KCNH5: variants seen among roughly 807,000 people sequenced by gnomAD.
KCNH5 encodes the protein potassium voltage-gated channel subfamily H member 5.
A neutral mutation model predicts 96.1 loss-of-function variants in KCNH5; 46 were observed. The observed-to-expected ratio is 0.48, with a 90% CI of 0.38 to 0.61. The LOEUF (loss-of-function observed/expected upper bound fraction) is 0.61, where lower values mean the gene tolerates loss of function less well. KCNH5 is among the 20% of genes least tolerant of loss of function. The probability of loss-of-function intolerance (pLI) is 0.00; values close to 1 mark genes in which losing one functional copy is unlikely to be tolerated. For synonymous variants in KCNH5, 439 were observed against 449.8 expected, an observed-to-expected ratio of 0.98 and a Z score of 0.30; for missense variants, 907 against 1,225.8, an observed-to-expected ratio of 0.74 and a Z score of 3.88.
At chr14:62,750,907 A>G (rs941814387) in intron 10 of KCNH5, among the ~76,000 whole-genome samples, 1 of 152,124 alleles carries the variant, frequency 6.6e-6, no homozygotes, top group Non-Finnish European at 1.5e-5. Context: ...CTGGTGCACA[A>G]AGCTACTTCT....
chr14:62,975,541 T>A (rs1329689670), intron 6 of KCNH5, among the ~76,000 whole-genome samples: 2 of 151,714 alleles, frequency 1.3e-5, no homozygotes. Context: ...TAAAAGACAA[T>A]AATAATTTGA....
chr14:63,011,608 A>G (rs1425169380), intron 2 of KCNH5, among the ~76,000 whole-genome samples: 1 of 152,230 alleles, frequency 6.6e-6, no homozygotes, highest in Non-Finnish European at 1.5e-5. Flanking sequence ...ATGGTCTTCA[A>G]AGGATTTCAC....
chr14:62,784,259 A>G (rs1886276993), intron 9 of KCNH5, among the ~76,000 whole-genome samples: 1 of 152,190 alleles, frequency 6.6e-6, no homozygotes, highest in Non-Finnish European at 1.5e-5. Flanking sequence ...TGAGAACAGT[A>G]TGGGGGAAAC....
intron 7 of KCNH5, among the ~76,000 whole-genome samples, chr14:62,901,911 T>G (rs1888933606): frequency 1.3e-5 from 2 of 152,198 alleles, no homozygotes; most frequent in Non-Finnish European, 2.9e-5. Flanking sequence ...TTAGTAACAG[T>G]AATTCTGACT....
At position 62,708,037 on chromosome 14, in the gene KCNH5, C is replaced by A. The variant is rs534607642; in HGVS notation, c.2438G>T (p.Arg813Leu). The change falls in exon 11 of 11, where the codon CGA becomes CTA. Residue 813 changes from arginine (R) to leucine (L), a missense_variant. This residue lies in a region of KCNH5 where 362 missense variants were observed against 394.4 expected (regional missense o/e 0.92). Coordinates refer to ENST00000322893, the MANE Select transcript of KCNH5 (RefSeq NM_139318.5). ...ATGGGCTCCCATATTATTCTTGAGT[C>A]GCAGCCACCCTTTTCCATTTCCATT... ...MKNGNGKGWL[R>L]LKNNMGAHEE... The A allele has an allele frequency of 1.2e-6, 2 of 1,614,042 alleles. No homozygotes were observed. The highest frequency in any genetic ancestry group is 2.7e-5 in the African/African-American group (2 of 74,924).
intron 7 of KCNH5, among the ~76,000 whole-genome samples, chr14:62,853,689 C>T (rs1418114125): frequency 1.3e-5 from 2 of 151,308 alleles, no homozygotes; most frequent in African/African-American, 2.4e-5. Flanking sequence ...GGTCTGTTTC[C>T]GCTCCTCATT....
intron 10 of KCNH5, among the ~76,000 whole-genome samples, chr14:62,746,071 A>G (rs1249964762): frequency 6.6e-6 from 1 of 152,208 alleles, no homozygotes; most frequent in East Asian, 1.9e-4. Flanking sequence ...AGGAAGTGGG[A>G]GAAAAGAAGT....
At chr14:62,734,693 T>C (rs771094357) in intron 10 of KCNH5, among the ~76,000 whole-genome samples, 9 of 152,110 alleles carry the variant, frequency 5.9e-5, no homozygotes, top group Non-Finnish European at 1.2e-4. Flanking sequence ...TAAAATTTTA[T>C]ATTGAAATTA....
At chr14:62,746,428 A>C (rs1885376739) in intron 10 of KCNH5, among the ~76,000 whole-genome samples, 1 of 152,244 alleles carries the variant, frequency 6.6e-6, no homozygotes, top group Admixed American at 6.5e-5. Flanking sequence ...TTATAATAAA[A>C]CATTTAATTA....
Position 62,849,796 on chromosome 14 carries a change from C to T in KCNH5, c.1426G>A (p.Ala476Thr), listed in dbSNP as rs536465196. 1 of 1,613,704 alleles carries T rather than the reference C, an allele frequency of 6.2e-7. No homozygotes were observed. Among genetic ancestry groups the T allele is most frequent in the African/African-American group, 1.3e-5 (1 of 74,992 alleles). Residue 476 changes from alanine to threonine, a missense_variant, in exon 8 of 11, where the codon GCC becomes ACC. Around this residue, in one of 6 missense-constraint regions of KCNH5, gnomAD observed 3 missense variants for 24.4 expected, o/e 0.12. Coordinates refer to ENST00000322893, the MANE Select transcript of KCNH5 (RefSeq NM_139318.5). ...NVTTIFQQMYANTNRYHEMLN... is the reference protein window; with the variant it reads ...NVTTIFQQMYTNTNRYHEMLN... Reference sequence around the variant, plus strand: ...ATCTCATGGTATCGGTTGGTGTTGGCATACATTTGCTGGAAAATTGTTGTA... The same window carrying T: ...ATCTCATGGTATCGGTTGGTGTTGGTATACATTTGCTGGAAAATTGTTGTA...
chr14:62,945,668 T>A (rs574067402), intron 7 of KCNH5, among the ~76,000 whole-genome samples: 1 of 151,902 alleles, frequency 6.6e-6, no homozygotes, highest in East Asian at 1.9e-4. Flanking sequence ...CAGGTTGGCA[T>A]TGAGGTGTTT....
At chr14:62,890,748 T>C (rs1007705886) in intron 7 of KCNH5, among the ~76,000 whole-genome samples, 1 of 151,262 alleles carries the variant, frequency 6.6e-6, no homozygotes, top group African/African-American at 2.4e-5. Context: ...ACAGACACTT[T>C]TCAAAAGAAG....
chr14:62,938,719 GT>G (rs888900629), intron 7 of KCNH5, among the ~76,000 whole-genome samples: 21 of 152,174 alleles, frequency 1.4e-4, no homozygotes, highest in African/African-American at 4.8e-4. Context: ...GTGACAGTGT[GT>G]CCTGAAAAAT....
intron 8 of KCNH5, among the ~76,000 whole-genome samples, chr14:62,840,724 C>T (rs1278388404): frequency 6.6e-6 from 1 of 151,666 alleles, no homozygotes; most frequent in African/African-American, 2.4e-5. Context: ...TACGCGCCAC[C>T]ACATCCAGCT....
intron 3 of KCNH5, among the ~76,000 whole-genome samples, chr14:63,004,444 G>A (rs1222702883): frequency 6.6e-6 from 1 of 152,112 alleles, no homozygotes; most frequent in Non-Finnish European, 1.5e-5. Flanking sequence ...AGAGTTATCT[G>A]GAAAGAACCA....
intron 6 of KCNH5, among the ~76,000 whole-genome samples, chr14:62,979,030 T>G (rs186907994): frequency 1.3e-5 from 2 of 152,344 alleles, no homozygotes; most frequent in African/African-American, 2.4e-5. Context: ...ACTGAAGTTT[T>G]GTATTCTTCC....
intron 9 of KCNH5, among the ~76,000 whole-genome samples, chr14:62,796,365 G>T (rs1427735523): frequency 6.6e-6 from 1 of 152,112 alleles, no homozygotes; most frequent in Non-Finnish European, 1.5e-5. Context: ...TAATTCAAGT[G>T]CTAAAGACTC....
rs1885373530 is a variant in KCNH5 at position 62,746,259 on chromosome 14, T to G, written c.2019+33469A>C. On this transcript the variant is annotated intron_variant, in intron 10 of 10. Transcript: ENST00000322893. ...ATGTAATATCTGTATTTGGTCCTCT[T>G]GCAAATACAAGGCATGCAAATGTTG... is the stretch of plus-strand genomic sequence containing the variant. Among the ~76,000 whole-genome samples the G allele has an allele frequency of 2.6e-5, 4 of 152,236 alleles. No homozygotes were observed. In the South Asian group the frequency reaches 8.3e-4, roughly 31 times the overall value.
At chr14:62,741,135 T>A (rs943579933) in intron 10 of KCNH5, among the ~76,000 whole-genome samples, 11 of 152,140 alleles carry the variant, frequency 7.2e-5, no homozygotes, top group Non-Finnish European at 1.3e-4. Context: ...ATAATGGAGT[T>A]TTCCCAGAAA....
Sources: gnomAD v4.1 joint callset for allele counts (sites outside exome capture counted in the v4.1 genomes callset) on GRCh38, gnomAD v4.1.1 for gene constraint, gnomAD v4.1.1 regional missense constraint, MANE v1.5 for transcripts, NCBI Gene and HGNC (gene_info 2026-07-23, HGNC 2026-07-21) for gene names.